The following SPSB1 variants were observed in gnomAD, a reference collection of about 807,000 sequenced individuals.
The protein encoded by SPSB1 is SPRY domain-containing SOCS box protein 1.
SPSB1 carries 8 observed loss-of-function variants against 21.2 expected under a neutral mutation model. The observed-to-expected ratio is 0.38, with a 90% CI of 0.22 to 0.68. The LOEUF is 0.68. SPSB1 is among the 30% of genes least tolerant of loss of function. The pLI is 0.53. For missense variants in SPSB1, 242 were observed against 377.8 expected (o/e 0.64, Z 2.98); for synonymous variants, 169 against 161.7 (o/e 1.05, Z -0.34).
intron 1 of SPSB1, among the ~76,000 whole-genome samples, chr1:9,299,341 A>G (rs1639277734): frequency 6.6e-6 from 1 of 151,966 alleles, no homozygotes; most frequent in Non-Finnish European, 1.5e-5. Flanking sequence ...TTTCCCTTCC[A>G]CAGATATCAT....
Position 9,319,738 on chromosome 1 carries a change from T to C in SPSB1, c.-150+26667T>C, listed in dbSNP as rs181646165. Among the ~76,000 whole-genome samples the C allele has an allele frequency of 2.6e-5, 4 of 152,168 alleles. No homozygotes were observed. The East Asian group carries it at 7.7e-4, about 29-fold the overall frequency. On this transcript the variant is annotated intron_variant, in intron 1 of 2. Transcript: ENST00000328089. ...AGCAGCCCCCAAAGGTCCGCTGTAG[T>C]GAAGGGAGGGTACTACAGGGAAGTC...
rs1347325653 is a variant in SPSB1, at chr1:9,321,333, GGT to G, written c.-150+28264_-150+28265del. ...CCTTACAGAGAAAGCCCGTGTGTGT[GGT>G]GGAGCTCTAGACAGCCCGATGGCAG... On this transcript the variant is annotated intron_variant, in intron 1 of 2. Coordinates refer to ENST00000328089, the MANE Select transcript of SPSB1 (RefSeq NM_025106.4). This position sits in a 1 kb window ranked among gnomAD's most constrained non-coding sequence, Gnocchi z 4.8. 6.6e-6 allele frequency among the ~76,000 whole-genome samples: 1 copy of G among 152,166 alleles called. No homozygotes were observed. The highest frequency in any genetic ancestry group is 1.5e-5 in the Non-Finnish European group (1 of 68,034).
chr1:9,358,300 G>A (rs1177711616), intron 2 of SPSB1, among the ~76,000 whole-genome samples: 1 of 152,186 alleles, frequency 6.6e-6, no homozygotes, highest in African/African-American at 2.4e-5. Context: ...CACGATGTCT[G>A]TGGTACAGGC....
chr1:9,359,302 G>A (rs1237073971), intron 2 of SPSB1, among the ~76,000 whole-genome samples: 1 of 152,200 alleles, frequency 6.6e-6, no homozygotes, highest in Non-Finnish European at 1.5e-5. Flanking sequence ...TCACAACTCC[G>A]CTGCAGCGTG....
chr1:9,338,176 C>T (rs750202420), intron 1 of SPSB1, among the ~76,000 whole-genome samples: 29 of 152,182 alleles, frequency 1.9e-4, no homozygotes, highest in Admixed American at 1.2e-3. Context: ...TGGAGGTTGG[C>T]GGTTGGGGGG....
Position 9,317,767 on chromosome 1 carries a change from G to A in SPSB1, c.-150+24696G>A, listed in dbSNP as rs1294711964. 6.6e-6 allele frequency among the ~76,000 whole-genome samples: 1 copy of A among 152,096 alleles called. No homozygotes were observed. Among genetic ancestry groups the A allele is most frequent in the Non-Finnish European group, 1.5e-5 (1 of 68,020 alleles). On this transcript the variant is annotated intron_variant, in intron 1 of 2. Transcript: ENST00000328089. This position sits in a 1 kb window ranked among gnomAD's most constrained non-coding sequence, Gnocchi z 4.3. ...CAGAGTGTTGGGATTACAGGCGTGA[G>A]TCACCGTGCCTGGCCAGAAAAGACA...
rs1198137716 is a variant in SPSB1 at position 9,321,025 on chromosome 1, G to T, written c.-150+27954G>T. Among the ~76,000 whole-genome samples the T allele has an allele frequency of 6.6e-6, 1 of 152,138 alleles. No individual in the cohort carries two copies. Among genetic ancestry groups the T allele is most frequent in the Non-Finnish European group, 1.5e-5 (1 of 68,022 alleles). On this transcript the variant is annotated intron_variant, in intron 1 of 2. Coordinates refer to ENST00000328089, the MANE Select transcript of SPSB1 (RefSeq NM_025106.4). This position sits in a 1 kb window ranked among gnomAD's most constrained non-coding sequence, Gnocchi z 4.8. ...AGGCCAAGGCAGTGGGAGTTGCTGTGCGGGGGATTCTGGCTGGAAAAGGCA... is the reference window on the plus strand; with the variant it reads ...AGGCCAAGGCAGTGGGAGTTGCTGTTCGGGGGATTCTGGCTGGAAAAGGCA...
At chr1:9,354,000 C>T (rs749053694) in intron 1 of SPSB1, among the ~76,000 whole-genome samples, 10 of 151,984 alleles carry the variant, frequency 6.6e-5, no homozygotes, top group East Asian at 1.9e-4. Context: ...ATAAGGGGGT[C>T]GGGGCACCAA....
chr1:9,299,969 A>C (rs1032472319), intron 1 of SPSB1, among the ~76,000 whole-genome samples: 2 of 151,414 alleles, frequency 1.3e-5, no homozygotes, highest in Non-Finnish European at 2.9e-5. Context: ...GTCTCAAAAA[A>C]AAAAAAAAAA....
At position 9,295,247 on chromosome 1, in the gene SPSB1, C is replaced by T. The variant is rs187087966; in HGVS notation, c.-150+2176C>T. Among the ~76,000 whole-genome samples the T allele has an allele frequency of 7.6e-4, 114 of 150,444 alleles. 1 individual carries two copies. The highest frequency in any genetic ancestry group is 1.4e-3 in the East Asian group (7 of 5,094). On this transcript the variant is annotated intron_variant, in intron 1 of 2. Transcript: ENST00000328089. ...GTGTGTGTGTGTGTGTGTGTGCGCG[C>T]GTGCGGTTGGGGAGGTGTGGAGTGG... is the stretch of plus-strand genomic sequence containing the variant.
chr1:9,309,700 G>A (rs111305341), intron 1 of SPSB1, among the ~76,000 whole-genome samples: 2,102 of 152,180 alleles, frequency 0.014, 43 homozygotes, highest in African/African-American at 0.047. Flanking sequence ...AAAATTAGTC[G>A]GGGATGGTGG....
In SPSB1 at chr1:9,333,157, G is replaced by A. The variant is rs80043631; in HGVS notation, c.-149-22586G>A. Among the ~76,000 whole-genome samples the A allele has an allele frequency of 2.7e-3, 410 of 152,188 alleles. 4 individuals are homozygous for A. Among genetic ancestry groups the A allele is most frequent in the African/African-American group, 9.7e-3 (401 of 41,508 alleles). Reference sequence around the variant, plus strand: ...ACCCACCTTCTTCGGTGAGAACCTTGGTCTGCCCTGTTCAGTGTCTGCTCC... The same window carrying A: ...ACCCACCTTCTTCGGTGAGAACCTTAGTCTGCCCTGTTCAGTGTCTGCTCC... On this transcript the variant is annotated intron_variant, in intron 1 of 2. Coordinates refer to ENST00000328089, the MANE Select transcript of SPSB1 (RefSeq NM_025106.4).
intron 1 of SPSB1, among the ~76,000 whole-genome samples, chr1:9,309,330 G>A (rs888696065): frequency 1.7e-3 from 237 of 137,536 alleles, no homozygotes; most frequent in Non-Finnish European, 3.1e-3. Context: ...GTGTGTGTGT[G>A]TGTGAGTGAC....
intron 1 of SPSB1, among the ~76,000 whole-genome samples, chr1:9,350,907 G>A (rs1320178443): frequency 2.0e-5 from 3 of 152,264 alleles, no homozygotes; most frequent in Non-Finnish European, 4.4e-5. Flanking sequence ...CCTGCCTGAA[G>A]TGTAGTGCCC....
At chr1:9,354,119 C>G (rs1183149244) in intron 1 of SPSB1, among the ~76,000 whole-genome samples, 1 of 152,136 alleles carries the variant, frequency 6.6e-6, no homozygotes, top group Non-Finnish European at 1.5e-5. Context: ...AGCTCTAGGC[C>G]AGCCCCACTG....
intron 1 of SPSB1, among the ~76,000 whole-genome samples, chr1:9,323,243 G>A (rs993018957): frequency 2.6e-5 from 4 of 152,216 alleles, no homozygotes; most frequent in East Asian, 1.9e-4. Context: ...GGCTTTGAGC[G>A]TCTGGATGAA....
chr1:9,319,639 C>G (rs1639677257), intron 1 of SPSB1, among the ~76,000 whole-genome samples: 1 of 152,180 alleles, frequency 6.6e-6, no homozygotes. Context: ...GGCTGGTATT[C>G]CGTTCCGGCT....
Position 9,293,467 on chromosome 1 carries a change from C to T in SPSB1, c.-150+396C>T, listed in dbSNP as rs1367136377. The stretch of plus-strand genomic sequence containing the variant: ...CGTCCCCCCTTTAGCCCGGGGAAAG[C>T]GGGACCCCGCTCGGCTGAGTTAGTT... On this transcript the variant is annotated intron_variant, in intron 1 of 2. Coordinates refer to ENST00000328089, the MANE Select transcript of SPSB1 (RefSeq NM_025106.4). The surrounding 1 kb of genome is among the most constrained non-coding windows in gnomAD (Gnocchi z 5.1). 6.6e-6 allele frequency among the ~76,000 whole-genome samples: 1 copy of T among 151,670 alleles called. No individual in the cohort carries two copies. The highest frequency in any genetic ancestry group is 2.4e-5 in the African/African-American group (1 of 41,326).
chr1:9,359,850 G>GGC (rs1553128814), intron 2 of SPSB1, among the ~76,000 whole-genome samples: 3 of 151,192 alleles, frequency 2.0e-5, no homozygotes, highest in Non-Finnish European at 4.4e-5. Flanking sequence ...TGGAAGCCGG[G>GGC]GGGGTGGGTG....
Sources: allele counts gnomAD v4.1 joint callset (sites outside exome capture counted in the v4.1 genomes callset), GRCh38; gene constraint gnomAD v4.1.1; non-coding constraint Gnocchi (gnomAD v3.1); transcripts MANE v1.5; gene names NCBI Gene and HGNC (gene_info 2026-07-23, HGNC 2026-07-21).